The following GRIK1 variants were observed in gnomAD, a reference collection of about 807,000 sequenced individuals.
The protein encoded by GRIK1 is glutamate ionotropic receptor kainate type subunit 1.
A neutral mutation model predicts 105.7 loss-of-function variants in GRIK1; 69 were observed. The ratio of observed to expected loss-of-function variants is 0.65; its 90% CI spans 0.54 to 0.80. The LOEUF is 0.80. Ranked by LOEUF, GRIK1 falls within the 30% of genes least tolerant of loss-of-function variation. The probability of loss-of-function intolerance (pLI) is 0.00; values close to 1 mark genes in which losing one functional copy is unlikely to be tolerated. For synonymous variants in GRIK1, 438 were observed against 431.3 expected (o/e 1.02, Z -0.19); for missense variants, 1,109 against 1,167.3 (o/e 0.95, Z 0.73).
intron 16 of GRIK1, among the ~76,000 whole-genome samples, chr21:29,544,144 A>C (rs150827776): frequency 3.7e-4 from 57 of 152,266 alleles, no homozygotes; most frequent in African/African-American, 1.3e-3. Context: ...AAATATACCT[A>C]TGAGGGTCAC....
intron 1 of GRIK1, among the ~76,000 whole-genome samples, chr21:29,715,311 G>T (rs144058178): frequency 6.6e-6 from 1 of 152,118 alleles, no homozygotes; most frequent in Non-Finnish European, 1.5e-5. Flanking sequence ...ATCTGCTGAC[G>T]CAAGGCAGCT....
intron 1 of GRIK1, among the ~76,000 whole-genome samples, chr21:29,846,978 G>C (rs1359045012): frequency 1.3e-5 from 2 of 152,106 alleles, no homozygotes; most frequent in African/African-American, 4.8e-5. Flanking sequence ...TTGAGTAACA[G>C]TATGGCATAA....
At chr21:29,637,820 C>T (rs1168185514) in intron 7 of GRIK1, among the ~76,000 whole-genome samples, 1 of 152,162 alleles carries the variant, frequency 6.6e-6, no homozygotes, top group Admixed American at 6.5e-5. Flanking sequence ...GAATTTTTGC[C>T]TAATGTCTTT....
At chr21:29,625,913 C>A (rs916185516) in intron 7 of GRIK1, among the ~76,000 whole-genome samples, 5 of 152,046 alleles carry the variant, frequency 3.3e-5, no homozygotes, top group African/African-American at 1.2e-4. Flanking sequence ...AAGTTATGGG[C>A]AAAGTTGTGT....
In GRIK1 at chr21:29,660,983, T is replaced by A. The variant is rs1452019986; in HGVS notation, c.727-6120A>T. On this transcript the variant is annotated intron_variant, in intron 4 of 17. Coordinates refer to ENST00000327783, the MANE Select transcript of GRIK1 (RefSeq NM_001330994.2). The stretch of plus-strand genomic sequence containing the variant: ...GAAAGTTTGAGCTTCAGTGTGTAGC[T>A]CTTTTTTATTTGCTAACTGTAATAT... 6.6e-5 allele frequency among the ~76,000 whole-genome samples: 10 copies of A among 152,230 alleles called. No individual in the cohort carries two copies. The East Asian group carries it at 1.3e-3, about 21-fold the overall frequency.
At chr21:29,643,050 C>T (rs2062547310) in intron 6 of GRIK1, 81 bp from the exon 7 acceptor site, 3 of 1,354,236 alleles carry the variant, frequency 2.2e-6, no homozygotes, top group Non-Finnish European at 3.1e-6. Flanking sequence ...CTCCCTGCTT[C>T]CATAGCTCTT....
intron 7 of GRIK1, among the ~76,000 whole-genome samples, chr21:29,641,675 G>T (rs2062513623): frequency 6.6e-6 from 1 of 152,134 alleles, no homozygotes; most frequent in African/African-American, 2.4e-5. Flanking sequence ...TGCAAGTATA[G>T]AATACTCACC....
chr21:29,777,200 T>C (rs964084531), intron 1 of GRIK1, among the ~76,000 whole-genome samples: 1 of 152,106 alleles, frequency 6.6e-6, no homozygotes, highest in Non-Finnish European at 1.5e-5. Context: ...CTCGTGAGGA[T>C]TGGGGTTCAC....
intron 3 of GRIK1, 42 bp downstream of exon 3, chr21:29,689,686 A>G (rs755637569): frequency 6.3e-7 from 1 of 1,587,210 alleles, no homozygotes; most frequent in South Asian, 1.1e-5. Flanking sequence ...CTGTTTGTTC[A>G]GAGCAGACAT....
At chr21:29,810,434 C>G (rs1397701919) in intron 1 of GRIK1, among the ~76,000 whole-genome samples, 1 of 151,626 alleles carries the variant, frequency 6.6e-6, no homozygotes, top group Non-Finnish European at 1.5e-5. Context: ...ATAGGTTGCT[C>G]AATGCAGGCG....
intron 1 of GRIK1, among the ~76,000 whole-genome samples, chr21:29,780,216 A>T (rs2066056485): frequency 2.0e-5 from 3 of 152,206 alleles, no homozygotes; most frequent in Non-Finnish European, 4.4e-5. Flanking sequence ...GAATTTCCTG[A>T]AAGGTACTTA....
intron 7 of GRIK1, among the ~76,000 whole-genome samples, chr21:29,642,098 T>A (rs1470118009): frequency 6.6e-6 from 1 of 152,190 alleles, no homozygotes; most frequent in Non-Finnish European, 1.5e-5. Context: ...TTTCTTATCA[T>A]CAAGTCCAGA....
At chr21:29,573,851 T>C (rs1028075350) in intron 14 of GRIK1, among the ~76,000 whole-genome samples, 1 of 129,390 alleles carries the variant, frequency 7.7e-6, no homozygotes, top group African/African-American at 3.2e-5. Context: ...AGACTCCGTC[T>C]GGAAAAAAAA....
rs541267771 is a variant in GRIK1, at chr21:29,926,901, A to G, written c.118+12482T>C. 7.2e-5 allele frequency among the ~76,000 whole-genome samples: 11 copies of G among 152,320 alleles called. No homozygotes were observed. The East Asian group carries it at 2.1e-3, about 29-fold the overall frequency. Reference sequence around the variant, plus strand: ...TATCATACTGCCTATTTTCTCACAAATGTCCCACAGATGTAGCAAATCATC... The same window carrying G: ...TATCATACTGCCTATTTTCTCACAAGTGTCCCACAGATGTAGCAAATCATC... On this transcript the variant is annotated intron_variant, in intron 1 of 17. Coordinates refer to ENST00000327783, the MANE Select transcript of GRIK1 (RefSeq NM_001330994.2).
chr21:29,901,129 A>G (rs1033035044), intron 1 of GRIK1, among the ~76,000 whole-genome samples: 3 of 152,234 alleles, frequency 2.0e-5, no homozygotes, highest in Non-Finnish European at 4.4e-5. Context: ...TCTGGGACAC[A>G]TTTAAAGCAG....
intron 1 of GRIK1, among the ~76,000 whole-genome samples, chr21:29,710,768 C>T (rs1052379430): frequency 6.7e-5 from 6 of 89,194 alleles, no homozygotes; most frequent in African/African-American, 2.2e-4. Context: ...TCCCTCCGTC[C>T]GTCCCTCCCT....
rs1227378278 is a variant in GRIK1 at position 29,939,522 on chromosome 21, G to A, written c.-22C>T. 1 of 1,463,734 alleles carries A rather than the reference G, an allele frequency of 6.8e-7. No individual in the cohort carries two copies. The highest frequency in any genetic ancestry group is 2.6e-5 in the East Asian group (1 of 38,782). 90.7% of individuals were successfully genotyped at this position (1,463,734 alleles called of 1,614,324 possible). On this transcript the variant is annotated 5_prime_UTR_variant, in exon 1 of 18. Transcript: ENST00000327783. ...CCATCTTCCTAGCTTCTTAATTCATGCCGAGATACAGCCGCTGCCGGACGC... is the reference window on the plus strand; with the variant it reads ...CCATCTTCCTAGCTTCTTAATTCATACCGAGATACAGCCGCTGCCGGACGC...
At position 29,642,797 on chromosome 21, in the gene GRIK1, C is replaced by T. The variant is rs529166944; in HGVS notation, c.1098+29G>A. ...GCAAGCCCAACAGTGCTCAGAAGGG[C>T]CCCTGGGCTGTGAGGGAGCATCACT... On this transcript the variant is annotated intron_variant, in intron 7 of 17. Transcript: ENST00000327783. 8.7e-6 allele frequency: 14 copies of T among 1,609,570 alleles called. No homozygotes were observed. The African/African-American group carries it at 9.4e-5, about 11-fold the overall frequency.
chr21:29,936,174 C>T (rs1024892006), intron 1 of GRIK1, among the ~76,000 whole-genome samples: 8 of 152,146 alleles, frequency 5.3e-5, no homozygotes, highest in African/African-American at 9.7e-5. Context: ...AAACATGCTT[C>T]GGAAAGCCTG....
Sources: gnomAD v4.1 joint callset for allele counts (sites outside exome capture counted in the v4.1 genomes callset) on GRCh38, gnomAD v4.1.1 for gene constraint, MANE v1.5 for transcripts, NCBI Gene and HGNC (gene_info 2026-07-23, HGNC 2026-07-21) for gene names.